ZNF503: variants seen among roughly 807,000 people sequenced by gnomAD.
The protein encoded by ZNF503 is zinc finger protein 503.
ZNF503 carries 15 observed loss-of-function variants against 34.4 expected under a neutral mutation model. That is an observed-to-expected ratio of 0.44 (90% CI 0.29 to 0.67). The LOEUF is 0.67. Ranked by LOEUF, ZNF503 falls within the 30% of genes least tolerant of loss-of-function variation. The pLI is 0.13. For synonymous variants in ZNF503, 580 were observed against 456.8 expected (o/e 1.27, Z -3.44); for missense variants, 1,007 against 926.8 (o/e 1.09, Z -1.12).
At chr10:75,357,053 G>T in the ZNF503 span, among the ~76,000 whole-genome samples, 2 of 152,098 alleles carry the variant, frequency 1.3e-5, no homozygotes, top group African/African-American at 4.8e-5. Flanking sequence ...GGAAATGGGA[G>T]AATCTGTGTG....
At chr10:75,307,878 A>G in the ZNF503 span, among the ~76,000 whole-genome samples, 5 of 152,316 alleles carry the variant, frequency 3.3e-5, no homozygotes, top group African/African-American at 4.8e-5. Flanking sequence ...CAGGAGTTCA[A>G]GACCAGCCTG....
At chr10:75,357,863 G>T in the ZNF503 span, among the ~76,000 whole-genome samples, 1 of 152,180 alleles carries the variant, frequency 6.6e-6, no homozygotes, top group Non-Finnish European at 1.5e-5. Flanking sequence ...CACAGGCTCT[G>T]GGTGTTGGGT....
chr10:75,363,040 G>A, the ZNF503 span, among the ~76,000 whole-genome samples: 2 of 151,830 alleles, frequency 1.3e-5, no homozygotes, highest in Admixed American at 1.3e-4. Context: ...GAGGTGGCAG[G>A]AGTCTGTGTG....
At chr10:75,289,739 G>A in the ZNF503 span, among the ~76,000 whole-genome samples, 1 of 151,896 alleles carries the variant, frequency 6.6e-6, no homozygotes, top group Non-Finnish European at 1.5e-5. Flanking sequence ...CTAACTTTTG[G>A]ATTTTTAGTA....
chr10:75,312,997 T>C, the ZNF503 span, among the ~76,000 whole-genome samples: 1 of 152,230 alleles, frequency 6.6e-6, no homozygotes, highest in African/African-American at 2.4e-5. Flanking sequence ...CCTGACACCA[T>C]GTAAGATGTG....
the ZNF503 span, among the ~76,000 whole-genome samples, chr10:75,379,424 C>G: frequency 1.3e-5 from 2 of 152,200 alleles, no homozygotes; most frequent in African/African-American, 4.8e-5. Context: ...GATCTGTTTA[C>G]GAGCTGATTA....
the ZNF503 span, chr10:75,338,488 C>G: frequency 6.6e-6 from 1 of 152,174 alleles, no homozygotes; most frequent in Admixed American, 6.5e-5. Flanking sequence ...GGGCCCATAA[C>G]ATTGTAAGGA....
At chr10:75,379,244 C>T in the ZNF503 span, among the ~76,000 whole-genome samples, 37 of 152,244 alleles carry the variant, frequency 2.4e-4, no homozygotes, top group East Asian at 7.7e-4. Flanking sequence ...ATGCATGCTA[C>T]GAGCCCTATT....
the ZNF503 span, among the ~76,000 whole-genome samples, chr10:75,321,583 T>G: frequency 2.6e-5 from 4 of 152,160 alleles, no homozygotes; most frequent in Non-Finnish European, 4.4e-5. Flanking sequence ...AATAAGGAAC[T>G]TATTGGGAAG....
the ZNF503 span, chr10:75,284,041 A>G: frequency 6.7e-6 from 1 of 149,614 alleles, no homozygotes; most frequent in African/African-American, 2.4e-5. Flanking sequence ...ACTGCTAATT[A>G]TTGAGCTCGC....
chr10:75,357,276 G>T, the ZNF503 span, among the ~76,000 whole-genome samples: 5 of 152,040 alleles, frequency 3.3e-5, no homozygotes, highest in Non-Finnish European at 5.9e-5. Flanking sequence ...CCAACACTTT[G>T]GGGGGCAGAG....
downstream of ZNF503, among the ~76,000 whole-genome samples, chr10:75,397,395 G>A (rs1843713825): frequency 6.6e-6 from 1 of 152,144 alleles, no homozygotes; most frequent in Non-Finnish European, 1.5e-5. Context: ...GCTTGCCCCA[G>A]CGCGCTGCCC....
At chr10:75,367,560 T>G in the ZNF503 span, among the ~76,000 whole-genome samples, 1 of 152,168 alleles carries the variant, frequency 6.6e-6, no homozygotes, top group African/African-American at 2.4e-5. Flanking sequence ...CTTGAGCAAC[T>G]TCGTGCTAAA....
chr10:75,289,396 A>G, the ZNF503 span, among the ~76,000 whole-genome samples: 4 of 151,978 alleles, frequency 2.6e-5, no homozygotes, highest in African/African-American at 9.7e-5. Context: ...ACCACTCAAA[A>G]TCATTTTATT....
At chr10:75,363,460 C>T in the ZNF503 span, among the ~76,000 whole-genome samples, 1 of 152,168 alleles carries the variant, frequency 6.6e-6, no homozygotes, top group Non-Finnish European at 1.5e-5. Flanking sequence ...GTTACTTAAC[C>T]CTTCTGTCTC....
chr10:75,337,172 C>T, the ZNF503 span, among the ~76,000 whole-genome samples: 3 of 150,822 alleles, frequency 2.0e-5, no homozygotes, highest in African/African-American at 7.3e-5. Context: ...AAAAACACAA[C>T]AATTAGTCGG....
the ZNF503 span, among the ~76,000 whole-genome samples, chr10:75,327,218 C>A: frequency 6.6e-6 from 1 of 152,120 alleles, no homozygotes; most frequent in Non-Finnish European, 1.5e-5. Flanking sequence ...GTTAACCAAC[C>A]TTTGGCTATT....
the ZNF503 span, among the ~76,000 whole-genome samples, chr10:75,309,936 G>T: frequency 6.6e-6 from 1 of 152,078 alleles, no homozygotes; most frequent in African/African-American, 2.4e-5. Flanking sequence ...TAAGGTACTG[G>T]TTATCTTTTT....
At chr10:75,304,099 G>A in the ZNF503 span, among the ~76,000 whole-genome samples, 1 of 152,202 alleles carries the variant, frequency 6.6e-6, no homozygotes, top group Non-Finnish European at 1.5e-5. Flanking sequence ...CTCCCGAAGT[G>A]CTGGGATTAC....
Sources: allele counts gnomAD v4.1 joint callset (sites outside exome capture counted in the v4.1 genomes callset), GRCh38; gene constraint gnomAD v4.1.1; transcripts MANE v1.5; gene names NCBI Gene and HGNC (gene_info 2026-07-23, HGNC 2026-07-21).